Variants in NKAIN4 observed in about 807,000 individuals in gnomAD.
The protein encoded by NKAIN4 is sodium/potassium-transporting ATPase subunit beta-1-interacting protein 4.
NKAIN4 carries 28 observed loss-of-function variants against 28.8 expected under a neutral mutation model. The observed-to-expected ratio is 0.97, with a 90% CI of 0.72 to 1.33. The LOEUF is 1.33. Among genes scored for constraint, NKAIN4 ranks in the 40% most tolerant of loss-of-function variants. The probability of loss-of-function intolerance (pLI) is 0.00; values close to 1 mark genes in which losing one functional copy is unlikely to be tolerated. For missense variants in NKAIN4, 289 were observed against 277.2 expected (o/e 1.04, Z -0.30); for synonymous variants, 122 against 115.6 (o/e 1.06, Z -0.36).
intron 6 of NKAIN4, 114 bp from the exon 7 acceptor site, chr20:63,241,620 G>A (rs1182288246): frequency 2.1e-5 from 19 of 922,642 alleles, no homozygotes; most frequent in Non-Finnish European, 3.0e-5. Context: ...AGCAGTGGAC[G>A]GCTTCAGGCC....
At chr20:63,241,987 G>A (rs1416017361) in intron 6 of NKAIN4, among the ~76,000 whole-genome samples, 2 of 152,148 alleles carry the variant, frequency 1.3e-5, no homozygotes, top group East Asian at 1.9e-4. Context: ...GCCCAGGGGC[G>A]GTGCAGCCAC....
Position 63,248,845 on chromosome 20 carries a change from G to A in NKAIN4, c.243C>T (p.Cys81=). Residue 81 remains cysteine (C), a synonymous_variant, in exon 3 of 7, where the codon TGC becomes TGT. Transcript: ENST00000370316. The part of the protein sequence containing the change: ...VWVTWNVFII[C]FYLEVGGLLK... ...AGAGGCCACCGACTTCCAGGTAGAA[G>A]CAGATGATGAAGACGTTCCAGGTGA... The A allele has an allele frequency of 6.2e-7, 1 of 1,612,858 alleles. No homozygotes were observed. Among genetic ancestry groups the A allele is most frequent in the Non-Finnish European group, 8.5e-7 (1 of 1,179,830 alleles).
chr20:63,254,546 C>A, upstream of NKAIN4: 8 of 882,860 alleles, frequency 9.1e-6, no homozygotes, highest in Non-Finnish European at 1.2e-5. Context: ...GACCCCGCCC[C>A]CTCCGCATCC....
At chr20:63,249,129 A>G in intron 2 of NKAIN4, 1 of 527,950 alleles carries the variant, frequency 1.9e-6, no homozygotes, top group Non-Finnish European at 3.4e-6. Context: ...TGGGACAGCC[A>G]GCTCAAGGGA....
intron 5 of NKAIN4, among the ~76,000 whole-genome samples, chr20:63,242,957 G>C (rs890477542): frequency 5.3e-5 from 8 of 151,766 alleles, no homozygotes; most frequent in Admixed American, 1.3e-4. Flanking sequence ...GGGGACAGTG[G>C]GGTCAGGACA....
upstream of NKAIN4, chr20:63,254,738 C>T (rs1298722287): frequency 3.7e-6 from 1 of 269,614 alleles, no homozygotes; most frequent in Admixed American, 5.4e-5. Context: ...GCCGCGGCCC[C>T]AGGACAGACC....
intron 6 of NKAIN4, 24 bp from the exon 7 acceptor site, chr20:63,241,530 A>C: frequency 6.5e-7 from 1 of 1,549,100 alleles, no homozygotes; most frequent in African/African-American, 1.4e-5. Context: ...GTCAGAGAGC[A>C]CCTGGGGGAA....
chr20:63,247,357 C>T (rs1312741010), intron 4 of NKAIN4: 2 of 1,506,498 alleles, frequency 1.3e-6, no homozygotes, highest in African/African-American at 2.8e-5. Context: ...TGGGTTGGCC[C>T]CGCCTGGGGG....
At chr20:63,243,631 C>A (rs1048124343) in intron 5 of NKAIN4, among the ~76,000 whole-genome samples, 2 of 152,222 alleles carry the variant, frequency 1.3e-5, no homozygotes, top group African/African-American at 4.8e-5. Context: ...TGGGTCCAGG[C>A]TGCCACCGAG....
At chr20:63,254,193 C>T in intron 1 of NKAIN4, 1 of 448,998 alleles carries the variant, frequency 2.2e-6, no homozygotes. Context: ...ACACCGGGGA[C>T]GGGACCCGGC....
rs770827341 is a variant in NKAIN4 at position 63,252,812 on chromosome 20, C to T, written c.54+1585G>A. 4.6e-5 allele frequency among the ~76,000 whole-genome samples: 7 copies of T among 152,192 alleles called. No individual in the cohort carries two copies. Among genetic ancestry groups the T allele is most frequent in the Non-Finnish European group, 8.8e-5 (6 of 68,034 alleles). ...GTGCGCCCATCTGTCTACTGTCCAC[C>T]GCAGAGGTGAAACGGGAACATGACC... is the stretch of plus-strand genomic sequence containing the variant. On this transcript the variant is annotated intron_variant, in intron 1 of 6. Transcript: ENST00000370316. The surrounding 1 kb of genome is among the most constrained non-coding windows in gnomAD (Gnocchi z 4.6).
At chr20:63,254,092 C>T (rs964810779) in intron 1 of NKAIN4, 2 of 406,308 alleles carry the variant, frequency 4.9e-6, no homozygotes, top group Admixed American at 3.7e-5. Context: ...CAGGCGGCCC[C>T]GCCCGAAGGC....
intron 5 of NKAIN4, among the ~76,000 whole-genome samples, chr20:63,242,844 G>T: frequency 6.6e-6 from 1 of 150,662 alleles, no homozygotes; most frequent in Non-Finnish European, 1.5e-5. Context: ...GGGGGACAGT[G>T]GGGGTGGGAC....
At chr20:63,244,364 G>T in intron 4 of NKAIN4, 1 of 536,586 alleles carries the variant, frequency 1.9e-6, no homozygotes, top group East Asian at 4.0e-5. Context: ...AAGATGAGCA[G>T]GTCAGCCTGA....
At chr20:63,253,389 C>T in intron 1 of NKAIN4, 1 of 985,426 alleles carries the variant, frequency 1.0e-6, no homozygotes, top group Non-Finnish European at 1.2e-6. Flanking sequence ...CGCCCGCAAG[C>T]CTGTGCCCCT....
intron 5 of NKAIN4, 50 bp downstream of exon 5, chr20:63,243,974 A>G: frequency 6.7e-7 from 1 of 1,503,652 alleles, no homozygotes; most frequent in Non-Finnish European, 9.2e-7. Context: ...CAGAGCTGCC[A>G]CCTCTGTAGC....
At chr20:63,254,497 C>A, upstream of NKAIN4, 1 of 1,259,132 alleles carries the variant, frequency 7.9e-7, no homozygotes, top group Non-Finnish European at 1.0e-6. Flanking sequence ...CGCTCGGCCC[C>A]CGCCCCCGCT....
chr20:63,242,427 G>T, intron 6 of NKAIN4, 112 bp downstream of exon 6: 1 of 765,650 alleles, frequency 1.3e-6, no homozygotes. Context: ...ACGGATGGAT[G>T]GCAGAACGGA....
chr20:63,242,736 C>G, intron 5 of NKAIN4, 113 bp from the exon 6 acceptor site: 1 of 679,116 alleles, frequency 1.5e-6, no homozygotes, highest in South Asian at 1.5e-5. Flanking sequence ...GGGGCACAGA[C>G]AGTGCCCAAA....
Sources: gnomAD v4.1 joint callset for allele counts (sites outside exome capture counted in the v4.1 genomes callset) on GRCh38, gnomAD v4.1.1 for gene constraint, Gnocchi (gnomAD v3.1) non-coding constraint, MANE v1.5 for transcripts, NCBI Gene and HGNC (gene_info 2026-07-23, HGNC 2026-07-21) for gene names.